RBFOX3: variants seen among roughly 807,000 people sequenced by gnomAD.
The protein encoded by RBFOX3 is RNA binding protein fox-1 homolog 3.
Under a neutral mutation model 48.7 loss-of-function variants are expected in RBFOX3, and 17 were observed. The observed-to-expected ratio is 0.35, with a 90% CI of 0.24 to 0.52. RBFOX3 has a LOEUF of 0.52. RBFOX3 is among the 20% of genes least tolerant of loss of function. RBFOX3 has a pLI of 0.94. For missense variants in RBFOX3, 382 were observed against 497.5 expected, an observed-to-expected ratio of 0.77 and a Z score of 2.21; for synonymous variants, 212 against 209.5, an observed-to-expected ratio of 1.01 and a Z score of -0.10.
intron 4 of RBFOX3, among the ~76,000 whole-genome samples, chr17:79,123,811 T>C (rs1407029053): frequency 1.3e-5 from 2 of 152,248 alleles, no homozygotes; most frequent in African/African-American, 4.8e-5. Context: ...CAGGGGCTAT[T>C]GATGCAGGTG....
intron 4 of RBFOX3, among the ~76,000 whole-genome samples, chr17:79,197,263 C>G (rs937448705): frequency 9.7e-5 from 11 of 112,960 alleles, no homozygotes; most frequent in Non-Finnish European, 3.7e-5. Context: ...TCTGTGTCTC[C>G]CGCTACATCT....
At chr17:79,097,618 C>G in intron 10 of RBFOX3, 74 bp downstream of exon 10, 2 of 1,346,986 alleles carry the variant, frequency 1.5e-6, no homozygotes, top group Non-Finnish European at 1.0e-6. Flanking sequence ...TCATGCCCCG[C>G]CCCCAGAGCC....
At chr17:79,457,679 TCC>T (rs1160594079) in intron 2 of RBFOX3, among the ~76,000 whole-genome samples, 1 of 152,112 alleles carries the variant, frequency 6.6e-6, no homozygotes, top group African/African-American at 2.4e-5. Context: ...AATGAATGCG[TCC>T]TAGGCCAGCC....
rs1477166523 is a variant in RBFOX3, at chr17:79,477,825, T to G, written c.-175+4629A>C. On this transcript the variant is annotated intron_variant, in intron 2 of 14. Coordinates refer to ENST00000693108, the MANE Select transcript of RBFOX3 (RefSeq NM_001350451.2). This position sits in a 1 kb window ranked among gnomAD's most constrained non-coding sequence, Gnocchi z 4.8. ...CACAGAAGTTTTTAGGACCCAAGTC[T>G]CCAAAGACTGGCTCAAACTAAAGTC... Among the ~76,000 whole-genome samples, 1 of 152,148 alleles carries G rather than the reference T, an allele frequency of 6.6e-6. No individual in the cohort carries two copies. Among genetic ancestry groups the G allele is most frequent in the African/African-American group, 2.4e-5 (1 of 41,410 alleles).
Position 79,103,295 on chromosome 17 carries a change from G to T in RBFOX3, c.415-41C>A. On this transcript the variant is annotated intron_variant, in intron 7 of 14. Transcript: ENST00000693108. The surrounding 1 kb of genome is among the most constrained non-coding windows in gnomAD (Gnocchi z 6.1). ...AGGGAAGGACAGGCACGGAGAGGAG[G>T]ACACAGGGCGAGAAAGAGGAGGAAG... 1 of 1,369,244 alleles carries T rather than the reference G, an allele frequency of 7.3e-7. No homozygotes were observed. The highest frequency in any genetic ancestry group is 1.4e-5 in the African/African-American group (1 of 69,478). 84.8% of individuals were successfully genotyped at this position (1,369,244 alleles called of 1,614,324 possible).
intron 2 of RBFOX3, among the ~76,000 whole-genome samples, chr17:79,433,406 A>T (rs2068822435): frequency 6.6e-6 from 1 of 152,088 alleles, no homozygotes; most frequent in African/African-American, 2.4e-5. Context: ...CTGTCATGTG[A>T]CTTTGTACTC....
chr17:79,198,220 A>G lies in RBFOX3; in HGVS notation c.-34+37546T>C, dbSNP rs2056072119. 1.3e-5 allele frequency among the ~76,000 whole-genome samples: 2 copies of G among 152,144 alleles called. No individual in the cohort carries two copies. Among genetic ancestry groups the G allele is most frequent in the African/African-American group, 4.8e-5 (2 of 41,410 alleles). The stretch of plus-strand genomic sequence containing the variant: ...ATCCTCAACACTGGACCAGACCAGA[A>G]GGGGAAATCATGGGTGACAACCGCC... On this transcript the variant is annotated intron_variant, in intron 4 of 14. Coordinates refer to ENST00000693108, the MANE Select transcript of RBFOX3 (RefSeq NM_001350451.2). This position sits in a 1 kb window ranked among gnomAD's most constrained non-coding sequence, Gnocchi z 8.2.
chr17:79,462,240 C>T lies in RBFOX3; in HGVS notation c.-175+20214G>A, dbSNP rs115388060. Among the ~76,000 whole-genome samples, 318 of 152,266 alleles carry T rather than the reference C, an allele frequency of 2.1e-3. 1 individual carries two copies. Among genetic ancestry groups the T allele is most frequent in the African/African-American group, 7.4e-3 (306 of 41,530 alleles). On this transcript the variant is annotated intron_variant, in intron 2 of 14. Coordinates refer to ENST00000693108, the MANE Select transcript of RBFOX3 (RefSeq NM_001350451.2). ...AACAAACACTCATGAGATGCATGAA[C>T]GATGTAACGATAAGATGCACAGGCT...
chr17:79,144,142 G>A (rs1049411565), intron 4 of RBFOX3, among the ~76,000 whole-genome samples: 7 of 152,166 alleles, frequency 4.6e-5, no homozygotes, highest in East Asian at 1.9e-4. Flanking sequence ...GGAGGGATGC[G>A]CTGACCTGGC....
chr17:79,174,660 CACA>C (rs1378874031), intron 4 of RBFOX3, among the ~76,000 whole-genome samples: 11 of 151,904 alleles, frequency 7.2e-5, no homozygotes, highest in African/African-American at 2.7e-4. Context: ...ACCCAATGCA[CACA>C]ACCACTCACA....
At chr17:79,319,441 C>T (rs544283741) in intron 2 of RBFOX3, among the ~76,000 whole-genome samples, 1 of 152,220 alleles carries the variant, frequency 6.6e-6, no homozygotes, top group African/African-American at 2.4e-5. Flanking sequence ...ACCCAGGGCT[C>T]GGCCTACTTT....
At chr17:79,290,564 A>T (rs1317821502) in intron 3 of RBFOX3, among the ~76,000 whole-genome samples, 1 of 152,082 alleles carries the variant, frequency 6.6e-6, no homozygotes. Flanking sequence ...GGTATAGCCA[A>T]GGGAAGGGCT....
chr17:79,091,023 A>C (rs1187113916), intron 14 of RBFOX3, 138 bp from the exon 15 acceptor site: 3 of 851,890 alleles, frequency 3.5e-6, no homozygotes, highest in African/African-American at 1.7e-5. Context: ...GGTTTCCAGG[A>C]CCCTCATCTT....
Position 79,097,417 on chromosome 17 carries a change from C to T in RBFOX3, c.630G>A (p.Gly210=). The T allele has an allele frequency of 6.5e-7, 1 of 1,546,086 alleles. No homozygotes were observed. The highest frequency in any genetic ancestry group is 8.7e-7 in the Non-Finnish European group (1 of 1,144,902). ...VYGPEFYAVT[G]FPYPTTGTAV... ...CTGTGCCGGTGGTGGGGTAGGGGAA[C>T]CCCGTCACTGCAGGAAACGGGGCCC... Residue 210 remains glycine (G), a synonymous_variant, in exon 11 of 15, where the codon GGG becomes GGA. Transcript: ENST00000693108.
intron 2 of RBFOX3, among the ~76,000 whole-genome samples, chr17:79,435,170 C>T (rs1471770463): frequency 6.6e-6 from 1 of 152,164 alleles, no homozygotes; most frequent in East Asian, 1.9e-4. Context: ...GCAGGGTGGA[C>T]AGTGAGTTGT....
the RBFOX3 span, among the ~76,000 whole-genome samples, chr17:79,644,688 C>T: frequency 6.6e-6 from 1 of 152,048 alleles, no homozygotes; most frequent in Non-Finnish European, 1.5e-5. Flanking sequence ...AACATGTGAA[C>T]GAAGTGTACG....
chr17:79,533,287 A>G (rs1391929380), intron 1 of RBFOX3, among the ~76,000 whole-genome samples: 1 of 152,226 alleles, frequency 6.6e-6, no homozygotes, highest in Non-Finnish European at 1.5e-5. Flanking sequence ...CTGGAGGCAG[A>G]GAGTCGAGTC....
At chr17:79,322,604 G>A (rs539450375) in intron 2 of RBFOX3, among the ~76,000 whole-genome samples, 3 of 152,304 alleles carry the variant, frequency 2.0e-5, no homozygotes, top group Admixed American at 6.5e-5. Flanking sequence ...GGCCAAGCAC[G>A]ACCCCGAAGG....
chr17:79,430,896 C>T (rs1555728082), intron 2 of RBFOX3, among the ~76,000 whole-genome samples: 2 of 152,192 alleles, frequency 1.3e-5, no homozygotes, highest in East Asian at 3.9e-4. Flanking sequence ...CATAAGATCA[C>T]TGGGCATAAA....
Sources: allele counts gnomAD v4.1 joint callset (sites outside exome capture counted in the v4.1 genomes callset), GRCh38; gene constraint gnomAD v4.1.1; non-coding constraint Gnocchi (gnomAD v3.1); transcripts MANE v1.5; gene names NCBI Gene and HGNC (gene_info 2026-07-23, HGNC 2026-07-21).